Variants in DGKH observed in about 807,000 individuals in gnomAD.
DGKH encodes diacylglycerol kinase eta.
DGKH carries 90 observed loss-of-function variants against 159.3 expected under a neutral mutation model. The ratio of observed to expected loss-of-function variants is 0.57; its 90% confidence interval spans 0.48 to 0.67. DGKH has a LOEUF of 0.67. Among genes scored for constraint, DGKH ranks in the 30% least tolerant of loss-of-function variants. The probability of loss-of-function intolerance (pLI) is 0.00; values close to 1 mark genes in which losing one functional copy is unlikely to be tolerated. For synonymous variants in DGKH, 536 were observed against 553.8 expected (o/e 0.97, Z 0.45); for missense variants, 1,181 against 1,506.1 (o/e 0.78, Z 3.57).
chr13:42,215,325 A>G (rs71429409), intron 25 of DGKH, among the ~76,000 whole-genome samples: 105 of 152,086 alleles, frequency 6.9e-4, no homozygotes, highest in Middle Eastern at 3.2e-3. Flanking sequence ...GCTAGCATAT[A>G]CATATTCATT....
intron 30 of DGKH, among the ~76,000 whole-genome samples, chr13:42,255,689 C>G (rs763582405): frequency 2.0e-5 from 3 of 151,998 alleles, no homozygotes; most frequent in African/African-American, 7.2e-5. Flanking sequence ...ATATTAAGTC[C>G]CTTCTTCATA....
upstream of DGKH, among the ~76,000 whole-genome samples, chr13:42,047,141 C>T (rs1429279704): frequency 1.3e-5 from 2 of 152,142 alleles, no homozygotes. Context: ...CAGAAATAGC[C>T]TCTCTGTTAT....
intron 3 of DGKH, among the ~76,000 whole-genome samples, chr13:42,136,500 C>T (rs757865255): frequency 1.3e-5 from 2 of 152,112 alleles, no homozygotes; most frequent in Non-Finnish European, 2.9e-5. Context: ...TGACTGTTTT[C>T]TTTAAATTTT....
intron 13 of DGKH, among the ~76,000 whole-genome samples, chr13:42,182,812 C>A (rs1334753563): frequency 6.6e-6 from 1 of 151,846 alleles, no homozygotes; most frequent in African/African-American, 2.4e-5. Flanking sequence ...AATAATAATT[C>A]TCTAACACTA....
At chr13:42,062,633 C>G (rs1882267002) in intron 1 of DGKH, among the ~76,000 whole-genome samples, 1 of 152,198 alleles carries the variant, frequency 6.6e-6, no homozygotes, top group Non-Finnish European at 1.5e-5. Flanking sequence ...ATATGTTCCC[C>G]TCACCTACAT....
chr13:42,184,610 T>G (rs1332319485), intron 13 of DGKH, among the ~76,000 whole-genome samples: 1 of 152,144 alleles, frequency 6.6e-6, no homozygotes, highest in East Asian at 1.9e-4. Context: ...CCCTGTAATC[T>G]CATTGCTTTG....
At chr13:42,256,220 G>A in intron 30 of DGKH, 1 of 1,437,198 alleles carries the variant, frequency 7.0e-7, no homozygotes, top group Non-Finnish European at 9.8e-7. Context: ...TGAGTTGAAT[G>A]TTTTCAAGCC....
intron 26 of DGKH, 73 bp from the exon 27 acceptor site, chr13:42,219,157 A>G: frequency 3.8e-6 from 6 of 1,580,220 alleles, no homozygotes; most frequent in Non-Finnish European, 5.2e-6. Context: ...CTGTCAAAGT[A>G]CAATGATTTA....
At chr13:42,209,963 T>C (rs1957602334) in intron 23 of DGKH, among the ~76,000 whole-genome samples, 1 of 151,524 alleles carries the variant, frequency 6.6e-6, no homozygotes, top group South Asian at 2.1e-4. Flanking sequence ...TCATCCCTCC[T>C]TCCCTTACCC....
At chr13:42,129,687 A>G (rs1955249758) in intron 3 of DGKH, 55 bp downstream of exon 3, 2 of 1,497,154 alleles carry the variant, frequency 1.3e-6, no homozygotes, top group Non-Finnish European at 1.8e-6. Context: ...GACCTTTCTT[A>G]AGCGTGTACA....
At chr13:42,256,481 C>T (rs1958658131) in exon 31 of DGKH, 4 of 1,237,662 alleles carry the variant, frequency 3.2e-6, no homozygotes, top group Non-Finnish European at 4.8e-6. Flanking sequence ...CTATCTCACA[C>T]CAGAACAGTT....
In DGKH at chr13:42,161,653, G is replaced by A. The variant is rs367816739; in HGVS notation, c.855+1517G>A. On this transcript the variant is annotated intron_variant, in intron 7 of 29. Transcript: ENST00000337343. Reference sequence around the variant, plus strand: ...AAATTAGCTGGGCGTGGTGGTGGGCGCCTGTAATCCCAGCTACTCGGGAGG... The same window carrying A: ...AAATTAGCTGGGCGTGGTGGTGGGCACCTGTAATCCCAGCTACTCGGGAGG... 9.9e-5 allele frequency among the ~76,000 whole-genome samples: 15 copies of A among 151,954 alleles called. 1 individual carries two copies. The East Asian group carries it at 1.9e-3, about 20-fold the overall frequency.
chr13:42,256,354 G>A (rs1958657280), exon 31 of DGKH: 2 of 1,588,166 alleles, frequency 1.3e-6, no homozygotes, highest in East Asian at 4.5e-5. Context: ...TGATGAATGA[G>A]TCTCAAATGT....
rs373612747 is a variant in DGKH, at chr13:42,129,605, C to T, written c.357C>T (p.Ser119=). 2.8e-5 allele frequency: 45 copies of T among 1,612,584 alleles called. No homozygotes were observed. Among genetic ancestry groups the T allele is most frequent in the Non-Finnish European group, 3.8e-5 (45 of 1,179,382 alleles). ...DLSDASVAEA[S]TKNANNSFTI... Reference sequence around the variant, plus strand: ...CAGATGCTAGTGTAGCTGAAGCAAGCACGAAAAATGCTAACAACAGCTTCA... The same window carrying T: ...CAGATGCTAGTGTAGCTGAAGCAAGTACGAAAAATGCTAACAACAGCTTCA... The change falls in exon 3 of 30, where the codon AGC becomes AGT. Residue 119 remains serine, a synonymous_variant. Transcript: ENST00000337343.
rs898764349 is a variant in DGKH at position 42,233,124 on chromosome 13, C to G, written c.*3936C>G. On this transcript the variant is annotated 3_prime_UTR_variant, in exon 30 of 30. Coordinates refer to ENST00000337343, the MANE Select transcript of DGKH (RefSeq NM_178009.5). ...CCAGCCTGGGCAGCAGAGCAAGACCCCTACTCTTTAAAAAAATTAATTTAA... is the reference window on the plus strand; with the variant it reads ...CCAGCCTGGGCAGCAGAGCAAGACCGCTACTCTTTAAAAAAATTAATTTAA... 1 of 152,160 alleles carries G rather than the reference C, an allele frequency of 6.6e-6. No homozygotes were observed. The highest frequency in any genetic ancestry group is 6.5e-5 in the Admixed American group (1 of 15,274). The allele number at this position is 152,160 out of a possible 1,614,324, so 9.4% of individuals were successfully genotyped here.
Position 42,228,433 on chromosome 13 carries a change from A to G in DGKH, c.3574-666A>G, listed in dbSNP as rs927838559. On this transcript the variant is annotated intron_variant, in intron 29 of 29. Coordinates refer to ENST00000337343, the MANE Select transcript of DGKH (RefSeq NM_178009.5). ...AATTGAAGCCTTGTAATGCAACTGC[A>G]AATGCATTTACAGTCCAAATTTATG... is the stretch of plus-strand genomic sequence containing the variant. 3.3e-5 allele frequency among the ~76,000 whole-genome samples: 5 copies of G among 152,204 alleles called. No individual in the cohort carries two copies. In the South Asian group the frequency reaches 8.3e-4, roughly 25 times the overall value.
At chr13:42,080,064 C>A (rs1017449248) in intron 1 of DGKH, among the ~76,000 whole-genome samples, 1 of 152,136 alleles carries the variant, frequency 6.6e-6, no homozygotes, top group Non-Finnish European at 1.5e-5. Context: ...ATCAGGATAA[C>A]CTGAAAAATT....
intron 1 of DGKH, among the ~76,000 whole-genome samples, chr13:42,059,530 G>A (rs1376464779): frequency 3.3e-5 from 5 of 152,072 alleles, no homozygotes; most frequent in East Asian, 1.9e-4. Flanking sequence ...GATTACAGGC[G>A]TGACCCACCG....
chr13:42,156,813 A>G (rs9533019), intron 5 of DGKH, among the ~76,000 whole-genome samples: 53,632 of 151,988 alleles, frequency 0.35, 9,976 homozygotes, highest in Non-Finnish European at 0.42. Context: ...CATTGTTTCA[A>G]CTATTTAATA....
Sources: allele counts gnomAD v4.1 joint callset (sites outside exome capture counted in the v4.1 genomes callset), GRCh38; gene constraint gnomAD v4.1.1; transcripts MANE v1.5; gene names NCBI Gene and HGNC (gene_info 2026-07-23, HGNC 2026-07-21).